Variants in PRELID2 observed in about 807,000 individuals in gnomAD.
The protein encoded by PRELID2 is PRELI domain-containing protein 2.
In PRELID2, 25 loss-of-function variants were observed where a neutral mutation model predicts 28.4. That is an observed-to-expected ratio of 0.88 (90% CI 0.64 to 1.23). The LOEUF (loss-of-function observed/expected upper bound fraction) is 1.23, where lower values mean the gene tolerates loss of function less well. Ranked by LOEUF, PRELID2 falls within the 50% of genes most tolerant of loss-of-function variation. PRELID2 has a pLI of 0.00. For synonymous variants in PRELID2, 76 were observed against 71.6 expected (o/e 1.06, Z -0.31); for missense variants, 201 against 214.4 (o/e 0.94, Z 0.39).
chr5:145,229,150 G>T, the PRELID2 span: 1 of 1,036,366 alleles, frequency 9.6e-7, no homozygotes, highest in Non-Finnish European at 1.5e-6. Flanking sequence ...GGGGCCAAGT[G>T]TGTGTCCCAC....
At chr5:145,539,707 T>TAATA (rs1285106487) in intron 1 of PRELID2, among the ~76,000 whole-genome samples, 1 of 151,834 alleles carries the variant, frequency 6.6e-6, no homozygotes, top group Non-Finnish European at 1.5e-5. Context: ...ATCTAGTAAA[T>TAATA]AATAAATAAA....
chr5:145,516,832 C>T (rs1299316026), intron 1 of PRELID2, among the ~76,000 whole-genome samples: 2 of 152,062 alleles, frequency 1.3e-5, no homozygotes, highest in South Asian at 2.1e-4. Flanking sequence ...GAAGTAATGC[C>T]ACACATCTAC....
At chr5:145,795,785 G>A (rs1234114683) in intron 5 of PRELID2, 9 of 152,062 alleles carry the variant, frequency 5.9e-5, no homozygotes, top group Non-Finnish European at 2.9e-5. Context: ...TAAAAATAAT[G>A]CTATTAAGGA....
the PRELID2 span, among the ~76,000 whole-genome samples, chr5:145,252,308 G>A: frequency 0.083 from 12,596 of 152,086 alleles, 1,126 homozygotes; most frequent in African/African-American, 0.23. Context: ...TGTCTTAAAC[G>A]AAAATCTGCA....
intron 1 of PRELID2, among the ~76,000 whole-genome samples, chr5:145,617,970 T>C (rs113277392): frequency 0.035 from 5,314 of 152,244 alleles, 278 homozygotes; most frequent in African/African-American, 0.12. Flanking sequence ...TGACCTCAGG[T>C]GATCCACCCA....
chr5:145,243,933 CTTGT>C, the PRELID2 span, among the ~76,000 whole-genome samples: 1 of 151,836 alleles, frequency 6.6e-6, no homozygotes, highest in Non-Finnish European at 1.5e-5. Context: ...TTCCAAGTTT[CTTGT>C]TTGTTTGTTT....
intron 1 of PRELID2, among the ~76,000 whole-genome samples, chr5:145,692,209 A>G (rs571717955): frequency 7.5e-4 from 114 of 152,326 alleles, no homozygotes; most frequent in Non-Finnish European, 1.1e-3. Context: ...TGCTGAGCAC[A>G]TAGTATGCTC....
chr5:145,449,087 A>T, the PRELID2 span, among the ~76,000 whole-genome samples: 4 of 152,054 alleles, frequency 2.6e-5, no homozygotes, highest in African/African-American at 9.7e-5. Context: ...CCTCGTATTG[A>T]GTAACAAAAT....
chr5:145,708,484 A>C (rs559301869), intron 1 of PRELID2, among the ~76,000 whole-genome samples: 125 of 143,750 alleles, frequency 8.7e-4, no homozygotes, highest in Non-Finnish European at 1.5e-3. Flanking sequence ...ATTGTCATCC[A>C]ATTGTATTGT....
chr5:145,510,819 G>T (rs1193914065), intron 1 of PRELID2, among the ~76,000 whole-genome samples: 2 of 152,168 alleles, frequency 1.3e-5, no homozygotes, highest in African/African-American at 4.8e-5. Flanking sequence ...TCAGCCTGAG[G>T]TTGTAGCTGC....
chr5:145,491,092 G>A (rs545560428), intron 1 of PRELID2, among the ~76,000 whole-genome samples: 72 of 151,730 alleles, frequency 4.7e-4, no homozygotes, highest in Non-Finnish European at 8.8e-4. Context: ...ATAAGACTTA[G>A]GTTAAAATGA....
At chr5:145,301,928 T>TCC in the PRELID2 span, among the ~76,000 whole-genome samples, 1 of 122,430 alleles carries the variant, frequency 8.2e-6, no homozygotes. Flanking sequence ...CTTTATTCAT[T>TCC]TCTTTTTTTT....
At chr5:145,675,826 C>A (rs544556847) in intron 1 of PRELID2, among the ~76,000 whole-genome samples, 46 of 152,262 alleles carry the variant, frequency 3.0e-4, no homozygotes, top group African/African-American at 9.6e-4. Flanking sequence ...TACATCCACA[C>A]AATGAAGAAC....
chr5:145,408,410 T>TATATATATGTATAATATATATGTATAAC, the PRELID2 span, among the ~76,000 whole-genome samples: 9,574 of 137,784 alleles, frequency 0.069, 588 homozygotes, highest in Non-Finnish European at 0.11. Context: ...TATATATATA[T>TATATATATGTATAATATATATGTATAAC]ATATATATGT....
In PRELID2 at chr5:145,497,412, C is replaced by T. The variant is rs1202136861; in HGVS notation, n.71-24097G>A. 2.6e-5 allele frequency among the ~76,000 whole-genome samples: 4 copies of T among 152,242 alleles called. No individual in the cohort carries two copies. The East Asian group carries it at 7.7e-4, about 29-fold the overall frequency. On this transcript the variant is annotated intron_variant and non_coding_transcript_variant, in intron 1 of 2. Transcript: ENST00000510259. ...ATCTCTTCCCTTTTCTGTATCCTTC[C>T]CCCTTAACTACCCATTTCCTTTGTG... is the stretch of plus-strand genomic sequence containing the variant.
chr5:145,466,113 G>GA, the PRELID2 span, among the ~76,000 whole-genome samples: 2 of 149,334 alleles, frequency 1.3e-5, no homozygotes, highest in African/African-American at 4.9e-5. Context: ...AGACATGGAA[G>GA]AAAAAAAAAG....
chr5:145,602,437 A>T (rs1753411375), intron 1 of PRELID2, among the ~76,000 whole-genome samples: 1 of 152,216 alleles, frequency 6.6e-6, no homozygotes. Flanking sequence ...TTTAGGAAAC[A>T]ATAAAGCAAT....
chr5:145,313,440 G>A, the PRELID2 span, among the ~76,000 whole-genome samples: 1 of 152,214 alleles, frequency 6.6e-6, no homozygotes, highest in Non-Finnish European at 1.5e-5. Flanking sequence ...GGTAGTATCA[G>A]AGGATTGTGA....
At chr5:145,799,496 G>A (rs1213552992) in intron 4 of PRELID2, among the ~76,000 whole-genome samples, 1 of 152,096 alleles carries the variant, frequency 6.6e-6, no homozygotes, top group Non-Finnish European at 1.5e-5. Flanking sequence ...ACTGGCTAGT[G>A]GAAAAGGCAC....
Sources: gnomAD v4.1 joint callset for allele counts (sites outside exome capture counted in the v4.1 genomes callset) on GRCh38, gnomAD v4.1.1 for gene constraint, MANE v1.5 for transcripts, NCBI Gene and HGNC (gene_info 2026-07-23, HGNC 2026-07-21) for gene names.